The following SLC38A9 variants were observed in gnomAD, a reference collection of about 807,000 sequenced individuals.
SLC38A9 encodes the protein solute carrier family 38 member 9.
SLC38A9 carries 48 observed loss-of-function variants against 62.3 expected under a neutral mutation model. The ratio of observed to expected loss-of-function variants is 0.77; its 90% CI spans 0.61 to 0.98. The LOEUF is 0.98. Ranked by LOEUF, SLC38A9 falls within the 50% of genes least tolerant of loss-of-function variation. The pLI, the probability that SLC38A9 is intolerant of heterozygous loss-of-function variation, is 0.00. For synonymous variants in SLC38A9, 204 were observed against 227.7 expected, an observed-to-expected ratio of 0.90 and a Z score of 0.94; for missense variants, 541 against 679.8, an observed-to-expected ratio of 0.80 and a Z score of 2.27.
At position 55,669,846 on chromosome 5, in the gene SLC38A9, C is replaced by T. The variant is rs111362169; in HGVS notation, c.280G>A (p.Glu94Lys). ...APDHVVPAPE[E>K]CYVYSPLGSA... ...CCCAATGGACTATACACATAGCACT[C>T]TTCTGGAGCTGGAACTACATGGTCT... Residue 94 changes from glutamate to lysine, a missense_variant, in exon 5 of 16, where the codon GAG (glutamate) becomes AAG (lysine). Transcript: ENST00000396865. 1.2e-5 allele frequency: 19 copies of T among 1,611,736 alleles called. 1 individual carries two copies. In the African/African-American group the frequency reaches 1.7e-4, roughly 15 times the overall value.
chr5:55,657,650 G>C (rs1039783192), intron 8 of SLC38A9, among the ~76,000 whole-genome samples: 2 of 152,178 alleles, frequency 1.3e-5, no homozygotes, highest in African/African-American at 2.4e-5. Context: ...GTGAAAGAGA[G>C]AACAGGCAGA....
At chr5:55,682,777 CGT>C (rs1338185323) in intron 3 of SLC38A9, among the ~76,000 whole-genome samples, 1 of 150,738 alleles carries the variant, frequency 6.6e-6, no homozygotes, top group Non-Finnish European at 1.5e-5. Context: ...CAAAAACAGA[CGT>C]GTGTGTGTTT....
At chr5:55,635,190 T>TGA (rs141083101) in intron 13 of SLC38A9, 9,333 of 232,708 alleles carry the variant, frequency 0.04, 341 homozygotes, top group African/African-American at 0.11. Flanking sequence ...GTATTCTCTG[T>TGA]GGTTTTATAA....
At chr5:55,686,016 C>T (rs966181348) in intron 3 of SLC38A9, among the ~76,000 whole-genome samples, 2 of 152,200 alleles carry the variant, frequency 1.3e-5, no homozygotes, top group African/African-American at 4.8e-5. Context: ...TTTCTTTATC[C>T]AGTCTATCAT....
At position 55,671,805 on chromosome 5, in the gene SLC38A9, G is replaced by A. The variant is rs546664684; in HGVS notation, c.246+758C>T. 5.3e-5 allele frequency among the ~76,000 whole-genome samples: 8 copies of A among 152,040 alleles called. No individual in the cohort carries two copies. The South Asian group carries it at 8.3e-4, about 16-fold the overall frequency. ...AGAGGTTGTGGTGAGCCGAGATTGCGCCACTGCACTCCAGCCTGGGTGATA... is the reference window on the plus strand; with the variant it reads ...AGAGGTTGTGGTGAGCCGAGATTGCACCACTGCACTCCAGCCTGGGTGATA... On this transcript the variant is annotated intron_variant, in intron 4 of 15. Transcript: ENST00000396865.
chr5:55,632,799 A>G (rs1743727079), intron 14 of SLC38A9, among the ~76,000 whole-genome samples: 1 of 152,194 alleles, frequency 6.6e-6, no homozygotes, highest in Non-Finnish European at 1.5e-5. Flanking sequence ...CCCCAGACGC[A>G]GATGAAAAAA....
chr5:55,640,373 C>T (rs1322125538), intron 12 of SLC38A9, among the ~76,000 whole-genome samples: 3 of 152,142 alleles, frequency 2.0e-5, no homozygotes, highest in African/African-American at 7.2e-5. Flanking sequence ...CTGAACCTAA[C>T]ATAATAGTTC....
chr5:55,655,092 G>A (rs1202338954), intron 9 of SLC38A9, among the ~76,000 whole-genome samples: 2 of 151,968 alleles, frequency 1.3e-5, no homozygotes, highest in East Asian at 1.9e-4. Context: ...CTCCTGCCTC[G>A]GCCTCCCAAA....
chr5:55,693,911 G>A (rs1200567916), intron 3 of SLC38A9, among the ~76,000 whole-genome samples: 1 of 151,840 alleles, frequency 6.6e-6, no homozygotes, highest in Non-Finnish European at 1.5e-5. Context: ...AAATAAATTT[G>A]AAAAATTAGC....
chr5:55,699,447 A>T (rs1756360841), intron 2 of SLC38A9, among the ~76,000 whole-genome samples: 1 of 152,170 alleles, frequency 6.6e-6, no homozygotes, highest in Non-Finnish European at 1.5e-5. Flanking sequence ...TCCTGTAAAG[A>T]TACACCTTCA....
chr5:55,710,559 T>A (rs771110544), intron 2 of SLC38A9, among the ~76,000 whole-genome samples: 59 of 152,148 alleles, frequency 3.9e-4, no homozygotes, highest in Admixed American at 1.8e-3. Context: ...GGCAGAGAGA[T>A]TTTTCTCAAG....
At chr5:55,645,033 C>T (rs1021218770) in intron 12 of SLC38A9, among the ~76,000 whole-genome samples, 3 of 152,110 alleles carry the variant, frequency 2.0e-5, no homozygotes, top group African/African-American at 7.2e-5. Context: ...CATGTCCCTA[C>T]AAAGGACATG....
intron 4 of SLC38A9, among the ~76,000 whole-genome samples, chr5:55,671,568 C>T (rs1453706883): frequency 6.7e-6 from 1 of 148,932 alleles, no homozygotes; most frequent in African/African-American, 2.5e-5. Flanking sequence ...GCCTGTAATC[C>T]CAGCACTTTG....
chr5:55,689,651 C>G (rs1754454067), intron 3 of SLC38A9, among the ~76,000 whole-genome samples: 1 of 152,124 alleles, frequency 6.6e-6, no homozygotes, highest in Admixed American at 6.5e-5. Flanking sequence ...TCCAAAAAAC[C>G]CACACTTTTG....
chr5:55,699,963 A>C (rs1046077048), intron 2 of SLC38A9, among the ~76,000 whole-genome samples: 3 of 152,194 alleles, frequency 2.0e-5, no homozygotes, highest in Admixed American at 2.0e-4. Flanking sequence ...ATCTGTAGAG[A>C]TAATGGCTGA....
intron 13 of SLC38A9, chr5:55,635,178 A>G (rs73119748): frequency 0.042 from 9,001 of 215,024 alleles, 337 homozygotes; most frequent in African/African-American, 0.11. Flanking sequence ...AGTTCCTTCA[A>G]TGTATTCTCT....
intron 3 of SLC38A9, among the ~76,000 whole-genome samples, chr5:55,689,468 G>C (rs1408061472): frequency 2.0e-5 from 3 of 152,154 alleles, no homozygotes; most frequent in African/African-American, 7.2e-5. Context: ...TTTTAAGTCT[G>C]CTTGTTAAAA....
intron 7 of SLC38A9, among the ~76,000 whole-genome samples, chr5:55,665,726 G>C (rs1217589337): frequency 6.6e-6 from 1 of 152,098 alleles, no homozygotes; most frequent in African/African-American, 2.4e-5. Flanking sequence ...CACTTTGGGA[G>C]GCTGAGGTGG....
intron 2 of SLC38A9, among the ~76,000 whole-genome samples, chr5:55,705,889 T>C (rs1757231501): frequency 6.6e-6 from 1 of 152,096 alleles, no homozygotes; most frequent in Non-Finnish European, 1.5e-5. Context: ...TTTGTATTTT[T>C]AGTAGAGACG....
Sources: gnomAD v4.1 joint callset for allele counts (sites outside exome capture counted in the v4.1 genomes callset) on GRCh38, gnomAD v4.1.1 for gene constraint, MANE v1.5 for transcripts, NCBI Gene and HGNC (gene_info 2026-07-23, HGNC 2026-07-21) for gene names.